The following TMTC3 variants were observed in gnomAD, a reference collection of about 807,000 sequenced individuals.
The protein encoded by TMTC3 is protein O-mannosyl-transferase TMTC3.
TMTC3 carries 52 observed loss-of-function variants against 92.2 expected under a neutral mutation model. The observed-to-expected ratio is 0.56, with a 90% CI of 0.45 to 0.71. TMTC3 has a LOEUF of 0.71. TMTC3 is among the 30% of genes least tolerant of loss of function. The pLI, the probability that TMTC3 is intolerant of heterozygous loss-of-function variation, is 0.00. For synonymous variants in TMTC3, 339 were observed against 363.3 expected, an observed-to-expected ratio of 0.93 and a Z score of 0.76; for missense variants, 896 against 1,057.1, an observed-to-expected ratio of 0.85 and a Z score of 2.11.
At chr12:88,192,506 A>C (rs991423669) in intron 12 of TMTC3, 98 bp from the exon 13 acceptor site, 13 of 778,792 alleles carry the variant, frequency 1.7e-5, no homozygotes, top group Non-Finnish European at 2.5e-5. Context: ...AAGAGAAAAA[A>C]AAGCTGTATG....
rs1565960112 is a variant in TMTC3, at chr12:88,192,624, T to G, written c.1727T>G (p.Met576Arg). 1.2e-6 allele frequency: 2 copies of G among 1,604,464 alleles called. No individual in the cohort carries two copies. The highest frequency in any genetic ancestry group is 1.7e-6 in the Non-Finnish European group (2 of 1,172,560). The change falls in exon 13 of 14, where the codon ATG becomes AGG. Residue 576 changes from methionine (M) to arginine (R), a missense_variant. Physicochemically the swap from Met to Arg is moderately conservative, Grantham distance 91. Transcript: ENST00000266712. Reference protein sequence around the residue: ...YISRGELLLKMNKPLKAKEAY... With the variant: ...YISRGELLLKRNKPLKAKEAY... ...CACAGAGGAGAATTGCTTTTAAAAA[T>G]GAATAAACCTCTTAAAGCAAAGGAA...
chr12:88,148,275 A>ATTTTTTTTTTT lies in TMTC3; in HGVS notation c.-28-5_-28-4insTTTTTTTTTTT. On this transcript the variant is annotated splice_polypyrimidine_tract_variant and intron_variant, in intron 1 of 13. Coordinates refer to ENST00000266712, the MANE Select transcript of TMTC3 (RefSeq NM_181783.4). ...ATATGTTCCTTATTTTATCTTCATGATTTTTTTTCCAGTTTTTGTCCAGAA... is the reference window on the plus strand; with the variant it reads ...ATATGTTCCTTATTTTATCTTCATGATTTTTTTTTTTTTTTTTTTCCAGTTTTTGTCCAGAA... The ATTTTTTTTTTT allele has an allele frequency of 6.6e-7, 1 of 1,505,528 alleles. No homozygotes were observed. Among genetic ancestry groups the ATTTTTTTTTTT allele is most frequent in the Non-Finnish European group, 9.1e-7 (1 of 1,104,228 alleles). The allele number at this position is 1,505,528 out of a possible 1,614,324, so 93.3% of individuals were successfully genotyped here.
intron 10 of TMTC3, among the ~76,000 whole-genome samples, chr12:88,188,226 A>T (rs2041400852): frequency 6.6e-6 from 1 of 152,184 alleles, no homozygotes; most frequent in Admixed American, 6.5e-5. Flanking sequence ...TCGAATGGCA[A>T]AGTTTTTTTT....
chr12:88,191,545 A>C (rs1335231239), intron 12 of TMTC3, among the ~76,000 whole-genome samples: 1 of 152,172 alleles, frequency 6.6e-6, no homozygotes, highest in Admixed American at 6.5e-5. Flanking sequence ...TTCTTTAAGC[A>C]AAATTACTTT....
intron 8 of TMTC3, among the ~76,000 whole-genome samples, chr12:88,173,948 T>A (rs2041231739): frequency 6.6e-6 from 1 of 152,082 alleles, no homozygotes; most frequent in Non-Finnish European, 1.5e-5. Flanking sequence ...GTGTTCTAGT[T>A]AAGTGGATCT....
At chr12:88,146,925 C>T (rs954063844) in intron 1 of TMTC3, among the ~76,000 whole-genome samples, 37 of 149,758 alleles carry the variant, frequency 2.5e-4, no homozygotes, top group South Asian at 4.2e-4. Context: ...GTTTATTATA[C>T]GTATTATTGT....
rs908658253 is a variant in TMTC3, at chr12:88,153,207, C to T, written c.190-84C>T. ...CTCAGTAAAATGTAGATATTAATAT[C>T]TTTAATGGTAAATGCAGTGATGAGC... On this transcript the variant is annotated intron_variant, in intron 2 of 13. Coordinates refer to ENST00000266712, the MANE Select transcript of TMTC3 (RefSeq NM_181783.4). 8 of 781,014 alleles carry T rather than the reference C, an allele frequency of 1.0e-5. No individual in the cohort carries two copies. In the Admixed American group the frequency reaches 1.2e-4, roughly 12 times the overall value. The allele number at this position is 781,014 out of a possible 1,614,324, so 48.4% of individuals were successfully genotyped here.
At chr12:88,185,613 G>T (rs2041368482) in intron 10 of TMTC3, among the ~76,000 whole-genome samples, 1 of 152,052 alleles carries the variant, frequency 6.6e-6, no homozygotes, top group African/African-American at 2.4e-5. Flanking sequence ...GAGAAAAATG[G>T]CATGGTCATA....
chr12:88,189,027 A>T, intron 11 of TMTC3, 81 bp downstream of exon 11: 1 of 768,608 alleles, frequency 1.3e-6, no homozygotes. Flanking sequence ...GAAAATCTTT[A>T]TCTTTTCTTC....
chr12:88,161,264 A>G (rs2041076217), intron 6 of TMTC3, among the ~76,000 whole-genome samples: 1 of 152,152 alleles, frequency 6.6e-6, no homozygotes, highest in Non-Finnish European at 1.5e-5. Context: ...TTAGGTGCGT[A>G]AACAACTAGG....
chr12:88,176,352 T>G, intron 10 of TMTC3, 33 bp downstream of exon 10: 1 of 1,493,440 alleles, frequency 6.7e-7, no homozygotes, highest in African/African-American at 1.4e-5. Flanking sequence ...ATCATGAATT[T>G]TATTTTTTAA....
intron 8 of TMTC3, among the ~76,000 whole-genome samples, chr12:88,173,967 G>T (rs2041231936): frequency 6.6e-6 from 1 of 151,958 alleles, no homozygotes; most frequent in South Asian, 2.1e-4. Flanking sequence ...CTATCAAAAT[G>T]AAATAAATTA....
At chr12:88,194,175 A>T (rs1037129812) in intron 13 of TMTC3, among the ~76,000 whole-genome samples, 1 of 152,128 alleles carries the variant, frequency 6.6e-6, no homozygotes, top group African/African-American at 2.4e-5. Context: ...TGACCTGTGG[A>T]CACAGCACTG....
rs191776727 is a variant in TMTC3 at position 88,160,201 on chromosome 12, G to C, written c.596G>C (p.Cys199Ser). 1 of 1,587,496 alleles carries C rather than the reference G, an allele frequency of 6.3e-7. No individual in the cohort carries two copies. The highest frequency in any genetic ancestry group is 1.8e-5 in the Admixed American group (1 of 55,180). The change falls in exon 5 of 14, where the codon TGT (cysteine) becomes TCT (serine). Residue 199 changes from cysteine (C) to serine (S), a missense_variant. Physicochemically the swap from Cys to Ser is moderately radical, Grantham distance 112. Transcript: ENST00000266712. ...EQGITVVGIC[C>S]VYEVFIAQGY... ...GGAATAACAGTTGTAGGAATTTGCT[G>C]TGTGTATGAAGTGTTTATTGCCCAG...
intron 7 of TMTC3, among the ~76,000 whole-genome samples, chr12:88,169,165 C>G (rs1272348852): frequency 7.9e-5 from 12 of 152,142 alleles, no homozygotes. Context: ...CCAGAGAAAC[C>G]TAGAAATCCC....
chr12:88,157,931 A>C (rs1009005369), intron 4 of TMTC3, among the ~76,000 whole-genome samples: 1 of 152,200 alleles, frequency 6.6e-6, no homozygotes, highest in Non-Finnish European at 1.5e-5. Context: ...GATGGAATTC[A>C]AGTTTGTAAA....
intron 4 of TMTC3, among the ~76,000 whole-genome samples, chr12:88,155,542 T>C (rs1302462823): frequency 6.6e-6 from 1 of 152,206 alleles, no homozygotes; most frequent in East Asian, 1.9e-4. Flanking sequence ...TAGACCTTCT[T>C]GCTGTTCCCA....
chr12:88,155,106 A>G (rs2040990870), intron 4 of TMTC3, among the ~76,000 whole-genome samples: 2 of 152,182 alleles, frequency 1.3e-5, no homozygotes, highest in Admixed American at 6.5e-5. Flanking sequence ...TGGATTTGTA[A>G]TAGTAGGTTT....
Position 88,154,392 on chromosome 12 carries a change from A to G in TMTC3, c.508+5A>G, listed in dbSNP as rs763341610. ...AAGGACCAGACAATTCCATAAGTAC[A>G]TGTCTCACATTTGATTTTTTTTTAA... On this transcript the variant is annotated splice_donor_5th_base_variant and intron_variant, in intron 4 of 13. Coordinates refer to ENST00000266712, the MANE Select transcript of TMTC3 (RefSeq NM_181783.4). 1.3e-6 allele frequency: 2 copies of G among 1,567,388 alleles called. No individual in the cohort carries two copies. Among genetic ancestry groups the G allele is most frequent in the African/African-American group, 1.4e-5 (1 of 72,420 alleles).
Sources: gnomAD v4.1 joint callset for allele counts (sites outside exome capture counted in the v4.1 genomes callset) on GRCh38, gnomAD v4.1.1 for gene constraint, MANE v1.5 for transcripts, NCBI Gene and HGNC (gene_info 2026-07-23, HGNC 2026-07-21) for gene names.